The following ADCY10 variants were observed in gnomAD, a reference collection of about 807,000 sequenced individuals.
The protein encoded by ADCY10 is adenylate cyclase 10.
In ADCY10, 156 loss-of-function variants were observed where a neutral mutation model predicts 183.3. The observed-to-expected ratio is 0.85, with a 90% CI of 0.75 to 0.97. The LOEUF (loss-of-function observed/expected upper bound fraction) is 0.97, where lower values mean the gene tolerates loss of function less well. Ranked by LOEUF, ADCY10 falls within the 50% of genes least tolerant of loss-of-function variation. The pLI, the probability that ADCY10 is intolerant of heterozygous loss-of-function variation, is 0.00. For synonymous variants in ADCY10, 645 were observed against 670.0 expected (o/e 0.96, Z 0.58); for missense variants, 1,745 against 1,934.3 (o/e 0.90, Z 1.84).
intron 19 of ADCY10, among the ~76,000 whole-genome samples, chr1:167,847,693 A>AT (rs1361058337): frequency 6.6e-6 from 1 of 152,176 alleles, no homozygotes; most frequent in Non-Finnish European, 1.5e-5. Context: ...AAATGCTGGG[A>AT]TTACAGGAGT....
intron 14 of ADCY10, among the ~76,000 whole-genome samples, chr1:167,864,977 T>A (rs926025088): frequency 2.0e-5 from 3 of 151,134 alleles, no homozygotes; most frequent in Non-Finnish European, 4.4e-5. Flanking sequence ...TTGAAATAAA[T>A]TAACTGTTGT....
intron 25 of ADCY10, 120 bp downstream of exon 25, chr1:167,832,867 A>G: frequency 9.5e-7 from 1 of 1,050,750 alleles, no homozygotes; most frequent in Non-Finnish European, 1.4e-6. Flanking sequence ...GAATGGTCAG[A>G]GCCAAACAGG....
Position 167,859,973 on chromosome 1 carries a change from C to T in ADCY10, c.1810-80G>A. On this transcript the variant is annotated intron_variant, in intron 15 of 32. Transcript: ENST00000367851. ...TGGCTATGCAACTTTGGGCAAAACA[C>T]TTAACTATTCTGTGTCTTAAAATCC... 4.9e-6 allele frequency: 5 copies of T among 1,018,642 alleles called. No individual in the cohort carries two copies. The Admixed American group carries it at 8.5e-5, about 17-fold the overall frequency. 63.1% of individuals were successfully genotyped at this position (1,018,642 alleles called of 1,614,324 possible). A position where few individuals can be genotyped will look rare whatever the true frequency, so the allele number is the denominator to read the frequency against.
chr1:167,839,467 G>A (rs1400258221), intron 21 of ADCY10, among the ~76,000 whole-genome samples: 2 of 152,176 alleles, frequency 1.3e-5, no homozygotes, highest in Admixed American at 6.5e-5. Flanking sequence ...CCAGTGATGA[G>A]GCAAGCCTTT....
At chr1:167,872,198 C>T (rs1361262406) in intron 13 of ADCY10, among the ~76,000 whole-genome samples, 2 of 151,960 alleles carry the variant, frequency 1.3e-5, no homozygotes, top group East Asian at 1.9e-4. Context: ...ATTAGCCGGG[C>T]GTGGTGGTGC....
Position 167,810,919 on chromosome 1 carries a change from G to A in ADCY10, c.4483-6C>T, listed in dbSNP as rs1553258582. Reference sequence around the variant, plus strand: ...GCCACCAGATTCTCCAAGTTCTAAAGAAAAAAAACCCACAACAGTATATTA... The same window carrying A: ...GCCACCAGATTCTCCAAGTTCTAAAAAAAAAAAACCCACAACAGTATATTA... On this transcript the variant is annotated splice_region_variant and splice_polypyrimidine_tract_variant and intron_variant, in intron 31 of 32. Coordinates refer to ENST00000367851, the MANE Select transcript of ADCY10 (RefSeq NM_018417.6). The A allele has an allele frequency of 1.9e-6, 3 of 1,612,352 alleles. No homozygotes were observed. Among genetic ancestry groups the A allele is most frequent in the African/African-American group, 1.3e-5 (1 of 74,698 alleles).
chr1:167,887,135 T>C (rs912226776), intron 8 of ADCY10, among the ~76,000 whole-genome samples: 9 of 152,294 alleles, frequency 5.9e-5, no homozygotes, highest in African/African-American at 2.2e-4. Flanking sequence ...GAAGACAGTG[T>C]GGCGATTCCT....
chr1:167,896,507 C>T lies in ADCY10; in HGVS notation c.739+88G>A, dbSNP rs1557825838. 9.3e-6 allele frequency: 10 copies of T among 1,070,342 alleles called. No homozygotes were observed. In the East Asian group the frequency reaches 1.7e-4, roughly 18 times the overall value. 66.3% of individuals were successfully genotyped at this position (1,070,342 alleles called of 1,614,324 possible). ...ACCAGGAGCTGTGTTGAGGAGCCCACCCACCAGTAATGAAGCTGTCGGCAT... is the reference window on the plus strand; with the variant it reads ...ACCAGGAGCTGTGTTGAGGAGCCCATCCACCAGTAATGAAGCTGTCGGCAT... On this transcript the variant is annotated intron_variant, in intron 7 of 32. Transcript: ENST00000367851.
At position 167,846,096 on chromosome 1, in the gene ADCY10, T is replaced by C. The variant is rs747335162; in HGVS notation, c.2605A>G (p.Ile869Val). The change falls in exon 20 of 33, where the codon ATT becomes GTT. Residue 869 changes from isoleucine to valine, a missense_variant. By Grantham distance (29) the Ile-to-Val change is conservative (BLOSUM62 3). Coordinates refer to ENST00000367851, the MANE Select transcript of ADCY10 (RefSeq NM_018417.6). ...TTGCCATTCCGGAAACAATAAAAAA[T>C]GTTAGATTCCACTAGGGTTGCCAGG... The part of the protein sequence containing the change: ...KTLATLVESN[I>V]FYCFRNGKEL... 6.2e-7 allele frequency: 1 copy of C among 1,614,150 alleles called. No individual in the cohort carries two copies. The highest frequency in any genetic ancestry group is 2.2e-5 in the East Asian group (1 of 44,882).
chr1:167,834,882 T>G (rs1428360776), intron 23 of ADCY10, among the ~76,000 whole-genome samples: 3 of 152,182 alleles, frequency 2.0e-5, no homozygotes, highest in Non-Finnish European at 4.4e-5. Context: ...TTTAGAAAGT[T>G]GGCCCCCAGG....
chr1:167,861,701 C>G (rs1221211291), intron 14 of ADCY10, among the ~76,000 whole-genome samples: 1 of 152,168 alleles, frequency 6.6e-6, no homozygotes, highest in East Asian at 1.9e-4. Context: ...TTGCATGACT[C>G]TATCGTTGCC....
chr1:167,814,901 G>A (rs752040062), intron 31 of ADCY10, among the ~76,000 whole-genome samples: 59 of 152,210 alleles, frequency 3.9e-4, no homozygotes, highest in Middle Eastern at 3.4e-3. Flanking sequence ...CGAGGTGGTC[G>A]GATCACCTGA....
Position 167,910,780 on chromosome 1 carries a change from C to T in ADCY10, c.-59+3196G>A, listed in dbSNP as rs996050220. On this transcript the variant is annotated intron_variant, in intron 1 of 32. Transcript: ENST00000367851. ...TAGGACTGAGCAGAACTGAGCAGGG[C>T]GTAGCTCTATTCTTCCCTCTCCTGC... Among the ~76,000 whole-genome samples the T allele has an allele frequency of 2.7e-4, 41 of 152,142 alleles. 1 individual carries two copies. The highest frequency in any genetic ancestry group is 9.9e-4 in the African/African-American group (41 of 41,412).
rs1384708342 is a variant in ADCY10, at chr1:167,837,126, CAA to C, written c.3077+121_3077+122del. The C allele has an allele frequency of 6.0e-6, 5 of 838,724 alleles. No individual in the cohort carries two copies. In the East Asian group the frequency reaches 1.2e-4, roughly 21 times the overall value. The allele number at this position is 838,724 out of a possible 1,614,324, so 52.0% of individuals were successfully genotyped here. ...GACTAAACTCACCATGCATACCCCC[CAA>C]AGTTTCCCACTTGCATCTAAGAGGT... On this transcript the variant is annotated intron_variant, in intron 22 of 32. Transcript: ENST00000367851.
In ADCY10 at chr1:167,817,278, T is replaced by C. The variant is rs189396579; in HGVS notation, c.4482+794A>G. Among the ~76,000 whole-genome samples, 925 of 152,274 alleles carry C rather than the reference T, an allele frequency of 6.1e-3. 11 individuals carry two copies. The highest frequency in any genetic ancestry group is 7.9e-3 in the Non-Finnish European group (536 of 68,002). On this transcript the variant is annotated intron_variant, in intron 31 of 32. Transcript: ENST00000367851. ...TACTTGGGAGGCTGAGGTACGAGAATTGTTTGAACCCGGGAGGCGGAGGTT... is the reference window on the plus strand; with the variant it reads ...TACTTGGGAGGCTGAGGTACGAGAACTGTTTGAACCCGGGAGGCGGAGGTT...
chr1:167,839,092 A>G (rs1347041868), intron 21 of ADCY10, among the ~76,000 whole-genome samples: 2 of 152,196 alleles, frequency 1.3e-5, no homozygotes, highest in Admixed American at 6.5e-5. Flanking sequence ...TCTCCCTTCT[A>G]TTCCTATCCT....
Position 167,861,022 on chromosome 1 carries a change from G to T in ADCY10, c.1658C>A (p.Thr553Asn). 1 of 1,614,198 alleles carries T rather than the reference G, an allele frequency of 6.2e-7. No homozygotes were observed. Among genetic ancestry groups the T allele is most frequent in the Non-Finnish European group, 8.5e-7 (1 of 1,180,016 alleles). ...ISLNKISFHQ[T>N]FYTIQMFMAN... ...CATGAACATCTGGATGGTATAGAAA[G>T]TTTGATGGAAGCTGATCTTATTCAA... The change falls in exon 15 of 33, where the codon ACT becomes AAT. Residue 553 changes from threonine (T) to asparagine (N), a missense_variant. Thr to Asn is a moderately conservative substitution (Grantham distance 65). Transcript: ENST00000367851.
At chr1:167,821,133 T>C (rs955631890) in intron 30 of ADCY10, 6 of 152,268 alleles carry the variant, frequency 3.9e-5, no homozygotes, top group Non-Finnish European at 8.8e-5. Context: ...GGAAATAATT[T>C]AATGAATGTT....
intron 16 of ADCY10, among the ~76,000 whole-genome samples, chr1:167,859,143 C>A (rs1304035959): frequency 1.3e-5 from 2 of 152,192 alleles, no homozygotes; most frequent in Non-Finnish European, 2.9e-5. Flanking sequence ...AGACACTCAA[C>A]TCAGCGTGAG....
Sources: allele counts gnomAD v4.1 joint callset (sites outside exome capture counted in the v4.1 genomes callset), GRCh38; gene constraint gnomAD v4.1.1; transcripts MANE v1.5; gene names NCBI Gene and HGNC (gene_info 2026-07-23, HGNC 2026-07-21).